The following NADK variants were observed in gnomAD, a reference collection of about 807,000 sequenced individuals.
The protein encoded by NADK is NAD kinase.
In NADK, 22 loss-of-function variants were observed where a neutral mutation model predicts 49.8. The observed-to-expected ratio is 0.44, with a 90% confidence interval of 0.32 to 0.63. The LOEUF is 0.63. Ranked by LOEUF, NADK falls within the 30% of genes least tolerant of loss-of-function variation. The pLI, the probability that NADK is intolerant of heterozygous loss-of-function variation, is 0.06. For missense variants in NADK, 438 were observed against 609.4 expected (o/e 0.72, Z 2.96); for synonymous variants, 268 against 253.7 (o/e 1.06, Z -0.54).
chr1:1,774,595 G>A (rs1193547673), intron 1 of NADK, among the ~76,000 whole-genome samples: 3 of 151,276 alleles, frequency 2.0e-5, no homozygotes, highest in Admixed American at 6.6e-5. Context: ...GATTACGGGC[G>A]TGGCCACTGC....
chr1:1,773,368 T>C (rs1310661328), intron 1 of NADK, among the ~76,000 whole-genome samples: 1 of 151,148 alleles, frequency 6.6e-6, no homozygotes, highest in African/African-American at 2.4e-5. Context: ...CTCAAACTCC[T>C]GACCTCAGGT....
chr1:1,756,497 G>A lies in NADK; in HGVS notation c.499+6C>T. 1 of 1,613,960 alleles carries A rather than the reference G, an allele frequency of 6.2e-7. No homozygotes were observed. The highest frequency in any genetic ancestry group is 8.5e-7 in the Non-Finnish European group (1 of 1,179,990). On this transcript the variant is annotated splice_donor_region_variant and intron_variant, in intron 5 of 11. Coordinates refer to ENST00000341426, the MANE Select transcript of NADK (RefSeq NM_023018.5). Reference sequence around the variant, plus strand: ...GAAACCAAGGACAGAGCTGCTGACAGCCCACCTTCTCGAAAGGTACAGAAT... The same window carrying A: ...GAAACCAAGGACAGAGCTGCTGACAACCCACCTTCTCGAAAGGTACAGAAT...
At chr1:1,771,880 T>A (rs953564598) in intron 1 of NADK, among the ~76,000 whole-genome samples, 16 of 151,516 alleles carry the variant, frequency 1.1e-4, no homozygotes, top group Admixed American at 9.9e-4. Context: ...TGATCTCAGC[T>A]CACTGCAGCC....
intron 1 of NADK, among the ~76,000 whole-genome samples, chr1:1,771,061 T>TAC: frequency 6.8e-6 from 1 of 146,040 alleles, no homozygotes; most frequent in Non-Finnish European, 1.5e-5. Flanking sequence ...AAAAAATATA[T>TAC]ATATATATAT....
chr1:1,779,364 G>A (rs1646307223), upstream of NADK, among the ~76,000 whole-genome samples: 1 of 152,210 alleles, frequency 6.6e-6, no homozygotes, highest in Admixed American at 6.5e-5. Context: ...AGCGCCTTCA[G>A]GCCTCAAATA....
intron 3 of NADK, chr1:1,758,299 T>A: frequency 1.3e-6 from 2 of 1,529,450 alleles, no homozygotes; most frequent in Non-Finnish European, 1.8e-6. Flanking sequence ...CAGACGCCGA[T>A]GGCAGCCACA....
At position 1,754,229 on chromosome 1, in the gene NADK, C is replaced by G; in HGVS notation, c.944-21G>C. On this transcript the variant is annotated intron_variant, in intron 9 of 11. Coordinates refer to ENST00000341426, the MANE Select transcript of NADK (RefSeq NM_023018.5). The surrounding 1 kb of genome is among the most constrained non-coding windows in gnomAD (Gnocchi z 4.3). ...CACTCCTGACAGGGACAGGCGCAGG[C>G]GTCACTCCCGCCCGAGGGACGCTCA... The G allele has an allele frequency of 6.2e-7, 1 of 1,612,998 alleles. No individual in the cohort carries two copies. Among genetic ancestry groups the G allele is most frequent in the East Asian group, 2.2e-5 (1 of 44,864 alleles).
chr1:1,753,980 T>A, intron 10 of NADK, 71 bp downstream of exon 10: 1 of 1,503,822 alleles, frequency 6.6e-7, no homozygotes, highest in Non-Finnish European at 8.9e-7. Context: ...AGCGGGGTGC[T>A]AGGTCCCGGC....
At chr1:1,774,130 A>C (rs1434162492) in intron 1 of NADK, among the ~76,000 whole-genome samples, 1 of 151,528 alleles carries the variant, frequency 6.6e-6, no homozygotes, top group Non-Finnish European at 1.5e-5. Context: ...ACCAACTTTA[A>C]ACAATTATCT....
chr1:1,759,503 C>G (rs757392753), intron 3 of NADK, among the ~76,000 whole-genome samples: 2 of 152,242 alleles, frequency 1.3e-5, no homozygotes, highest in Non-Finnish European at 2.9e-5. Flanking sequence ...CACCAATTCC[C>G]TGGACAACAA....
At chr1:1,762,183 T>A (rs1173535611) in intron 2 of NADK, 148 bp from the exon 3 acceptor site, 1 of 703,690 alleles carries the variant, frequency 1.4e-6, no homozygotes, top group African/African-American at 1.8e-5. Flanking sequence ...ACAATAGCCC[T>A]TGGAAGGTTC....
chr1:1,763,699 C>T (rs1444271232), intron 2 of NADK, among the ~76,000 whole-genome samples: 8 of 151,266 alleles, frequency 5.3e-5, no homozygotes, highest in African/African-American at 1.7e-4. Flanking sequence ...AAGATTATTG[C>T]GGAAAACAAT....
In NADK at chr1:1,758,970, G is replaced by T. The variant is rs997643329; in HGVS notation, c.264-1660C>A. 26 of 1,221,524 alleles carry T rather than the reference G, an allele frequency of 2.1e-5. No homozygotes were observed. In the South Asian group the frequency reaches 4.4e-4, roughly 21 times the overall value. The allele number at this position is 1,221,524 out of a possible 1,614,324, so 75.7% of individuals were successfully genotyped here. A position where few individuals can be genotyped will look rare whatever the true frequency, so the allele number is the denominator to read the frequency against. On this transcript the variant is annotated intron_variant, in intron 3 of 11. Coordinates refer to ENST00000341426, the MANE Select transcript of NADK (RefSeq NM_023018.5). ...AAGGGCGTTCCCTGCCTCCTAGCCC[G>T]CTGCGTCACTCTGCTTGGCTCCGGC... is the stretch of plus-strand genomic sequence containing the variant.
At chr1:1,762,114 T>A (rs897120923) in intron 2 of NADK, 79 bp from the exon 3 acceptor site, 1 of 1,252,368 alleles carries the variant, frequency 8.0e-7, no homozygotes, top group African/African-American at 1.5e-5. Flanking sequence ...CAGAGGAGGT[T>A]ACACGGTAAG....
chr1:1,757,016 C>A (rs1315534807), intron 4 of NADK, 165 bp downstream of exon 4: 12 of 1,157,808 alleles, frequency 1.0e-5, no homozygotes, highest in Non-Finnish European at 1.5e-5. Context: ...GCGGCACACA[C>A]AAACCCAGAC....
chr1:1,760,335 C>T (rs1394325781), intron 3 of NADK, among the ~76,000 whole-genome samples: 2 of 152,214 alleles, frequency 1.3e-5, no homozygotes, highest in Non-Finnish European at 2.9e-5. Context: ...GCTCCGTCAG[C>T]GTCTGGAGCA....
At chr1:1,758,782 G>T in intron 3 of NADK, 1 of 478,822 alleles carries the variant, frequency 2.1e-6, no homozygotes, top group Non-Finnish European at 2.7e-6. Flanking sequence ...TCAGCTCCCT[G>T]CTCCTAACTG....
In NADK at chr1:1,755,381, C is replaced by T. The variant is rs754148271; in HGVS notation, c.681G>A (p.Val227=). 2 of 1,612,430 alleles carry T rather than the reference C, an allele frequency of 1.2e-6. No homozygotes were observed. Among genetic ancestry groups the T allele is most frequent in the Middle Eastern group, 1.6e-4 (1 of 6,084 alleles). The change falls in exon 7 of 12, where the codon GTG becomes GTA. Residue 227 remains valine (V), a synonymous_variant. Coordinates refer to ENST00000341426, the MANE Select transcript of NADK (RefSeq NM_023018.5). ...FENFQSQVTQ[V]IEGNAAVVLR... Reference sequence around the variant, plus strand: ...CAGAACATTCCAACTCACCCTCTATCACCTGAGTAACTTGGGACTGAAAGT... The same window carrying T: ...CAGAACATTCCAACTCACCCTCTATTACCTGAGTAACTTGGGACTGAAAGT...
chr1:1,772,180 T>C (rs1408621538), intron 1 of NADK, among the ~76,000 whole-genome samples: 2 of 151,796 alleles, frequency 1.3e-5, no homozygotes, highest in Non-Finnish European at 2.9e-5. Context: ...TTTTTCCTGT[T>C]TTAGGCAGGG....
Sources: allele counts gnomAD v4.1 joint callset (sites outside exome capture counted in the v4.1 genomes callset), GRCh38; gene constraint gnomAD v4.1.1; non-coding constraint Gnocchi (gnomAD v3.1); transcripts MANE v1.5; gene names NCBI Gene and HGNC (gene_info 2026-07-23, HGNC 2026-07-21).